Variants in ADH7 observed in about 807,000 individuals in gnomAD.
ADH7 encodes the protein all-trans-retinol dehydrogenase [NAD(+)] ADH7.
A neutral mutation model predicts 34.4 loss-of-function variants in ADH7; 41 were observed. That is an observed-to-expected ratio of 1.19 (90% CI 0.93 to 1.55). The LOEUF is 1.55. ADH7 is among the 40% of genes most tolerant of loss of function. The pLI, the probability that ADH7 is intolerant of heterozygous loss-of-function variation, is 0.00. For synonymous variants in ADH7, 180 were observed against 160.9 expected (o/e 1.12, Z -0.90); for missense variants, 540 against 461.2 (o/e 1.17, Z -1.56).
Position 99,427,971 on chromosome 4 carries a change from T to G in ADH7, c.366A>C (p.Val122=). The G allele has an allele frequency of 6.2e-7, 1 of 1,614,038 alleles. No homozygotes were observed. The change falls in exon 5 of 9, where the codon GTA becomes GTC. Residue 122 remains valine (V), a synonymous_variant. Coordinates refer to ENST00000437033, the MANE Select transcript of ADH7 (RefSeq NM_000673.7). The part of the protein sequence containing the change: ...CIRSDITGRG[V]LADGTTRFTC... The stretch of plus-strand genomic sequence containing the variant: ...TAAATCTGGTGGTGCCATCAGCCAG[T>G]ACTCCACGACCAGTAATACTGTTTG...
intron 7 of ADH7, 74 bp from the exon 8 acceptor site, chr4:99,415,690 C>A: frequency 6.9e-7 from 1 of 1,442,842 alleles, no homozygotes; most frequent in Non-Finnish European, 9.5e-7. Flanking sequence ...ATATTTATTC[C>A]TTCTCTTTCC....
intron 7 of ADH7, among the ~76,000 whole-genome samples, chr4:99,416,340 C>T (rs189945655): frequency 2.6e-5 from 4 of 152,156 alleles, no homozygotes; most frequent in Non-Finnish European, 4.4e-5. Context: ...TACGCTCTTG[C>T]CCCCAGCACT....
chr4:99,419,507 T>A (rs1251389621), intron 6 of ADH7, among the ~76,000 whole-genome samples: 1 of 152,158 alleles, frequency 6.6e-6, no homozygotes, highest in Non-Finnish European at 1.5e-5. Flanking sequence ...AAGTTTAGTC[T>A]TAAAATTAAA....
Position 99,429,599 on chromosome 4 carries a change from T to C in ADH7, c.53A>G (p.Gln18Arg). Residue 18 changes from glutamine to arginine, a missense_variant, in exon 2 of 9, where the codon CAG becomes CGG. By Grantham distance (43) the Gln-to-Arg change is conservative. Coordinates refer to ENST00000437033, the MANE Select transcript of ADH7 (RefSeq NM_000673.7). ...TTCCTCAATGGAGAAGGGTTGCTTC[T>C]GCTCCCAAAGCACAGCTGCTTTGCA... ...IKCKAAVLWEQKQPFSIEEIE... is the reference protein window; with the variant it reads ...IKCKAAVLWERKQPFSIEEIE... The C allele has an allele frequency of 6.2e-7, 1 of 1,611,960 alleles. No homozygotes were observed. Among genetic ancestry groups the C allele is most frequent in the Non-Finnish European group, 8.5e-7 (1 of 1,178,960 alleles).
In ADH7 at chr4:99,426,587, G is replaced by C. The variant is rs183923930; in HGVS notation, c.564+1186C>G. On this transcript the variant is annotated intron_variant, in intron 5 of 8. Transcript: ENST00000437033. ...TAATCAATAGCTTACCAACCAAAAA[G>C]AGTCCGGGGCCAGATGGATTCACAG... is the stretch of plus-strand genomic sequence containing the variant. Among the ~76,000 whole-genome samples the C allele has an allele frequency of 1.5e-3, 235 of 152,224 alleles. 1 individual carries two copies. Among genetic ancestry groups the C allele is most frequent in the African/African-American group, 5.4e-3 (224 of 41,532 alleles).
chr4:99,422,530 T>C (rs1404168819), intron 5 of ADH7, among the ~76,000 whole-genome samples: 1 of 147,440 alleles, frequency 6.8e-6, no homozygotes, highest in African/African-American at 2.5e-5. Context: ...GGAGGGAACC[T>C]GGAGGACGAG....
intron 7 of ADH7, among the ~76,000 whole-genome samples, chr4:99,417,530 G>A (rs1194501968): frequency 6.6e-6 from 1 of 152,044 alleles, no homozygotes; most frequent in Non-Finnish European, 1.5e-5. Context: ...CAGTCCTCTG[G>A]CACTGCCCGT....
At position 99,429,568 on chromosome 4, in the gene ADH7, T is replaced by C. The variant is rs1247370136; in HGVS notation, c.84A>G (p.Glu28=). 2.5e-6 allele frequency: 4 copies of C among 1,612,350 alleles called. No individual in the cohort carries two copies. Among genetic ancestry groups the C allele is most frequent in the African/African-American group, 1.3e-5 (1 of 74,910 alleles). Residue 28 remains glutamate (E), a synonymous_variant, in exon 2 of 9, where the codon GAA becomes GAG. Transcript: ENST00000437033. ...QKQPFSIEEI[E]VAPPKTKEVR... is the part of the protein sequence containing the mutation. ...CTTCTTTAGTCTTTGGTGGGGCAAC[T>C]TCTATTTCCTCAATGGAGAAGGGTT... is the stretch of plus-strand genomic sequence containing the variant.
intron 5 of ADH7, among the ~76,000 whole-genome samples, chr4:99,423,087 C>T (rs892878130): frequency 4.2e-5 from 6 of 141,452 alleles, no homozygotes; most frequent in African/African-American, 1.6e-4. Context: ...TCCATGTGTT[C>T]TCATTGTTCA....
chr4:99,423,906 G>T (rs1313906368), intron 5 of ADH7, among the ~76,000 whole-genome samples: 5 of 151,838 alleles, frequency 3.3e-5, no homozygotes, highest in East Asian at 1.9e-4. Context: ...GTCAATTTTG[G>T]CTTTTGTTGC....
intron 5 of ADH7, among the ~76,000 whole-genome samples, chr4:99,425,441 C>A (rs1338381882): frequency 6.6e-6 from 1 of 151,978 alleles, no homozygotes; most frequent in Non-Finnish European, 1.5e-5. Context: ...TTTAAACCAA[C>A]AAAGATCAAA....
chr4:99,415,297 T>A (rs1366764067), intron 8 of ADH7, 181 bp downstream of exon 8: 6 of 672,444 alleles, frequency 8.9e-6, no homozygotes, highest in Non-Finnish European at 1.5e-5. Flanking sequence ...GGCAGTTTTT[T>A]TTTTTTATAG....
rs1579574312 is a variant in ADH7, at chr4:99,420,815, A to G, written c.565-22T>C. 6.8e-6 allele frequency: 11 copies of G among 1,612,148 alleles called. No homozygotes were observed. In the East Asian group the frequency reaches 2.5e-4, roughly 36 times the overall value. On this transcript the variant is annotated intron_variant, in intron 5 of 8. Transcript: ENST00000437033. ...TGACCTGTGGAGAGGAATGTTCTTG[A>G]ACATGTTAGGTGTTAGGGTCAAAAA...
At chr4:99,428,843 G>A (rs1721877579) in intron 2 of ADH7, among the ~76,000 whole-genome samples, 1 of 152,142 alleles carries the variant, frequency 6.6e-6, no homozygotes, top group Non-Finnish European at 1.5e-5. Flanking sequence ...TTATACCCTA[G>A]GTTGAATCTT....
In ADH7 at chr4:99,428,564, G is replaced by A. The variant is rs1650629742; in HGVS notation, c.187C>T (p.Pro63Ser). Reference protein sequence around the residue: ...VIKGTMVSKFPVIVGHEATGI... With the variant: ...VIKGTMVSKFSVIVGHEATGI... ...GTTGCCTCATGTCCCACAATCACTG[G>A]AAACTTGGACACCATTGTTCCTTTT... The change falls in exon 3 of 9, where the codon CCA (proline) becomes TCA (serine). Residue 63 changes from proline (P) to serine (S), a missense_variant. Physicochemically the swap from Pro to Ser is moderately conservative, Grantham distance 74. Transcript: ENST00000437033. 6.2e-7 allele frequency: 1 copy of A among 1,613,792 alleles called. No individual in the cohort carries two copies. Among genetic ancestry groups the A allele is most frequent in the Admixed American group, 1.7e-5 (1 of 59,966 alleles).
At position 99,428,526 on chromosome 4, in the gene ADH7, C is replaced by G; in HGVS notation, c.225G>C (p.Glu75Asp). ...CTGTAGTCACTCCTTCTCCAATGCT[C>G]TCTACAATCCCAGTTGCCTCATGTC... ...IVGHEATGIV[E>D]SIGEGVTTVK... The change falls in exon 3 of 9, where the codon GAG (glutamate) becomes GAC (aspartate). Residue 75 changes from glutamate (E) to aspartate (D), a missense_variant. Glu to Asp is a conservative substitution (Grantham distance 45). Coordinates refer to ENST00000437033, the MANE Select transcript of ADH7 (RefSeq NM_000673.7). 4 of 1,613,788 alleles carry G rather than the reference C, an allele frequency of 2.5e-6. No homozygotes were observed. Among genetic ancestry groups the G allele is most frequent in the Non-Finnish European group, 8.5e-7 (1 of 1,179,852 alleles).
At chr4:99,422,293 T>A (rs1211990705) in intron 5 of ADH7, among the ~76,000 whole-genome samples, 2 of 152,176 alleles carry the variant, frequency 1.3e-5, no homozygotes, top group African/African-American at 4.8e-5. Context: ...GAAAATGTAG[T>A]ACATATACAC....
chr4:99,426,086 A>T (rs1325408078), intron 5 of ADH7, among the ~76,000 whole-genome samples: 1 of 152,190 alleles, frequency 6.6e-6, no homozygotes, highest in Non-Finnish European at 1.5e-5. Flanking sequence ...TTACAGCACT[A>T]AATGCCCACA....
At chr4:99,429,993 C>T (rs550599849) in intron 1 of ADH7, among the ~76,000 whole-genome samples, 2 of 152,280 alleles carry the variant, frequency 1.3e-5, no homozygotes, top group African/African-American at 4.8e-5. Context: ...AATAGATTAA[C>T]AAAATTGTCC....
Sources: gnomAD v4.1 joint callset for allele counts (sites outside exome capture counted in the v4.1 genomes callset) on GRCh38, gnomAD v4.1.1 for gene constraint, MANE v1.5 for transcripts, NCBI Gene and HGNC (gene_info 2026-07-23, HGNC 2026-07-21) for gene names.